Variants in TET1 observed in about 807,000 individuals in gnomAD.
TET1 encodes tet methylcytosine dioxygenase 1.
Under a neutral mutation model 148.7 loss-of-function variants are expected in TET1, and 13 were observed. The ratio of observed to expected loss-of-function variants is 0.09; its 90% CI spans 0.06 to 0.14. The LOEUF (loss-of-function observed/expected upper bound fraction) is 0.14. Among genes scored for constraint, TET1 ranks in the 10% least tolerant of loss-of-function variants. The pLI, the probability that TET1 is intolerant of heterozygous loss-of-function variation, is 1.00. For missense variants in TET1, 2,182 were observed against 2,553.8 expected, an observed-to-expected ratio of 0.85 and a Z score of 3.14; for synonymous variants, 907 against 937.2, an observed-to-expected ratio of 0.97 and a Z score of 0.59.
chr10:68,570,465 G>T (rs1018480244), intron 1 of TET1, among the ~76,000 whole-genome samples: 1 of 151,904 alleles, frequency 6.6e-6, no homozygotes, highest in Non-Finnish European at 1.5e-5. Flanking sequence ...GTAGTCCCCA[G>T]TGTCTATTAT....
intron 2 of TET1, among the ~76,000 whole-genome samples, chr10:68,581,403 T>G (rs1245788154): frequency 6.6e-6 from 1 of 152,158 alleles, no homozygotes; most frequent in East Asian, 1.9e-4. Flanking sequence ...TTTTGAAACA[T>G]ATGCACTACC....
intron 3 of TET1, among the ~76,000 whole-genome samples, chr10:68,628,078 C>A (rs1425506433): frequency 2.0e-5 from 3 of 151,948 alleles, no homozygotes; most frequent in Non-Finnish European, 2.9e-5. Flanking sequence ...GCTCACTTGG[C>A]TGGGATTATA....
intron 8 of TET1, among the ~76,000 whole-genome samples, chr10:68,677,554 G>A (rs146920643): frequency 6.6e-6 from 1 of 152,174 alleles, no homozygotes; most frequent in Non-Finnish European, 1.5e-5. Context: ...TTTTTGATAC[G>A]GGGCCTCACT....
intron 8 of TET1, chr10:68,673,612 A>G: frequency 6.4e-6 from 1 of 156,288 alleles, no homozygotes; most frequent in Non-Finnish European, 1.4e-5. Context: ...GTGGGTAGGC[A>G]GTGGGAGGGG....
At position 68,669,411 on chromosome 10, in the gene TET1, C is replaced by T. The variant is rs185956171; in HGVS notation, c.4673+2155C>T. 1.7e-3 allele frequency among the ~76,000 whole-genome samples: 245 copies of T among 146,864 alleles called. 2 individuals carry two copies. Among genetic ancestry groups the T allele is most frequent in the African/African-American group, 5.8e-3 (231 of 40,126 alleles). ...CTGCAAACTCTGCATCCCAGGTTCA[C>T]GCCATTCTCCTGTCTCAGCCTCCCA... On this transcript the variant is annotated intron_variant, in intron 7 of 11. Transcript: ENST00000373644.
chr10:68,573,332 G>C lies in TET1; in HGVS notation c.994G>C (p.Ala332Pro). The change falls in exon 2 of 12, where the codon GCA becomes CCA. Residue 332 changes from alanine (A) to proline (P), a missense_variant. Transcript: ENST00000373644. ...SPTSVIKFLL[A>P]GSKQATLGAK... ...TACCTCTGTAATAAAATTCCTCTTG[G>C]CAGGCTCAAAACAAGCGACCCTTGG... The C allele has an allele frequency of 6.2e-7, 1 of 1,613,932 alleles. No homozygotes were observed. Among genetic ancestry groups the C allele is most frequent in the Non-Finnish European group, 8.5e-7 (1 of 1,180,002 alleles).
chr10:68,563,632 C>T (rs1477426669), intron 1 of TET1, among the ~76,000 whole-genome samples: 2 of 152,276 alleles, frequency 1.3e-5, no homozygotes, highest in African/African-American at 4.8e-5. Flanking sequence ...AGAAAAAGGA[C>T]GGATATAGGT....
At position 68,686,697 on chromosome 10, in the gene TET1, GCCAA is replaced by G; in HGVS notation, c.5397_5400del (p.Thr1800Ter). 6.2e-7 allele frequency: 1 copy of G among 1,612,372 alleles called. No individual in the cohort carries two copies. Among genetic ancestry groups the G allele is most frequent in the Non-Finnish European group, 8.5e-7 (1 of 1,178,990 alleles). Reference sequence around the variant, plus strand: ...CAAACAACAGTAAGCCTTCGTCACTGCCAACCTTAGGTGAGCCCTATGGAACCTG... The same window carrying G: ...CAAACAACAGTAAGCCTTCGTCACTGCCTTAGGTGAGCCCTATGGAACCTG... On this transcript the variant is annotated frameshift_variant, in exon 11 of 12. Coordinates refer to ENST00000373644, the MANE Select transcript of TET1 (RefSeq NM_030625.3). LOFTEE classifies it low-confidence loss of function (END_TRUNC).
intron 6 of TET1, among the ~76,000 whole-genome samples, chr10:68,656,576 A>C (rs568427453): frequency 3.9e-4 from 59 of 152,366 alleles, no homozygotes; most frequent in African/African-American, 1.4e-3. Context: ...TCGTAATGTT[A>C]GTCAAACTTT....
At chr10:68,670,852 A>T (rs896058634) in intron 7 of TET1, among the ~76,000 whole-genome samples, 6 of 152,074 alleles carry the variant, frequency 3.9e-5, no homozygotes, top group African/African-American at 7.2e-5. Context: ...CATAAAAAAT[A>T]GTTTTTTTCT....
intron 2 of TET1, among the ~76,000 whole-genome samples, chr10:68,585,785 C>A (rs1280934354): frequency 6.6e-6 from 1 of 151,592 alleles, no homozygotes; most frequent in Non-Finnish European, 1.5e-5. Flanking sequence ...CTGAGGCGGG[C>A]GATCACAAGG....
chr10:68,571,135 C>T (rs10998287), intron 1 of TET1, among the ~76,000 whole-genome samples: 49,121 of 144,866 alleles, frequency 0.34, 8,531 homozygotes, highest in Middle Eastern at 0.47. Flanking sequence ...GGATTACAGG[C>T]GCCTGCCACC....
intron 2 of TET1, among the ~76,000 whole-genome samples, chr10:68,599,625 G>A (rs1309861304): frequency 6.6e-6 from 1 of 152,206 alleles, no homozygotes; most frequent in Admixed American, 6.5e-5. Context: ...CCTGGCTCAG[G>A]TCCCGATCCC....
At chr10:68,567,027 A>G (rs1003321128) in intron 1 of TET1, among the ~76,000 whole-genome samples, 6 of 152,128 alleles carry the variant, frequency 3.9e-5, no homozygotes, top group African/African-American at 1.4e-4. Context: ...ATACCAAGAA[A>G]CTTGTCACAA....
chr10:68,676,256 ATATATATATATATTTTTTTTTTT>A (rs2055354389), intron 8 of TET1, among the ~76,000 whole-genome samples: 1 of 40,380 alleles, frequency 2.5e-5, no homozygotes, highest in African/African-American at 1.3e-4. Context: ...ATATATATAT[ATATATATATATATTTTTTTTTTT>A]TTTTTTTTTT....
rs148388844 is a variant in TET1 at position 68,646,663 on chromosome 10, G to A, written c.3934G>A (p.Val1312Met). 173 of 1,614,080 alleles carry A rather than the reference G, an allele frequency of 1.1e-4. No homozygotes were observed. The Middle Eastern group carries it at 4.6e-3, about 43-fold the overall frequency. The part of the protein sequence containing the change: ...PSSPPNQCAN[V>M]MAGDDQIRFQ... Reference sequence around the variant, plus strand: ...CTCTCCACCTAACCAGTGTGCTAACGTGATGGCAGGCGATGACCAAATACG... The same window carrying A: ...CTCTCCACCTAACCAGTGTGCTAACATGATGGCAGGCGATGACCAAATACG... The change falls in exon 4 of 12, where the codon GTG becomes ATG. Residue 1312 changes from valine to methionine, a missense_variant. Around this residue, in one of 11 missense-constraint regions of TET1, gnomAD observed 582 missense variants for 599.5 expected, o/e 0.97. Transcript: ENST00000373644.
At chr10:68,666,377 A>G (rs1253390432) in intron 6 of TET1, among the ~76,000 whole-genome samples, 1 of 152,220 alleles carries the variant, frequency 6.6e-6, no homozygotes, top group Non-Finnish European at 1.5e-5. Context: ...TTAATTCTCG[A>G]TAGTAAAATG....
intron 3 of TET1, among the ~76,000 whole-genome samples, chr10:68,616,128 A>T (rs2054286285): frequency 6.6e-6 from 1 of 152,232 alleles, no homozygotes; most frequent in Non-Finnish European, 1.5e-5. Context: ...TAATCTACTA[A>T]TAAGGAAATT....
chr10:68,690,592 C>A (rs548445848), intron 11 of TET1, among the ~76,000 whole-genome samples: 1 of 152,240 alleles, frequency 6.6e-6, no homozygotes, highest in African/African-American at 2.4e-5. Context: ...CCAAAAAAAA[C>A]ATAAAAATAA....
Sources: gnomAD v4.1 joint callset for allele counts (sites outside exome capture counted in the v4.1 genomes callset) on GRCh38, gnomAD v4.1.1 for gene constraint, gnomAD v4.1.1 regional missense constraint, MANE v1.5 for transcripts, NCBI Gene and HGNC (gene_info 2026-07-23, HGNC 2026-07-21) for gene names.